TFEC: variants seen among roughly 807,000 people sequenced by gnomAD.
TFEC encodes the protein class E basic helix-loop-helix protein 34.
Under a neutral mutation model 41.6 loss-of-function variants are expected in TFEC, and 31 were observed. The observed-to-expected ratio is 0.74, with a 90% CI of 0.56 to 1.01. The LOEUF (loss-of-function observed/expected upper bound fraction) is 1.01, where lower values mean the gene tolerates loss of function less well. Among genes scored for constraint, TFEC ranks in the 50% least tolerant of loss-of-function variants. The pLI is 0.00. For missense variants in TFEC, 402 were observed against 404.1 expected (o/e 0.99, Z 0.04); for synonymous variants, 143 against 140.6 (o/e 1.02, Z -0.12).
chr7:116,116,824 G>A (rs1291304113), intron 1 of TFEC, among the ~76,000 whole-genome samples: 4 of 147,742 alleles, frequency 2.7e-5, no homozygotes, highest in Admixed American at 1.4e-4. Context: ...CTTTATTTTC[G>A]CAGTCACTTA....
chr7:115,961,362 C>A (rs62477219), intron 3 of TFEC, among the ~76,000 whole-genome samples: 7,147 of 151,294 alleles, frequency 0.047, 291 homozygotes, highest in South Asian at 0.11. Flanking sequence ...TTTTAAAATA[C>A]AACAGAGATA....
chr7:116,030,546 C>T, intron 1 of TFEC, 87 bp downstream of exon 1: 1 of 797,776 alleles, frequency 1.3e-6, no homozygotes, highest in Non-Finnish European at 1.5e-6. Context: ...GCAAGCCACA[C>T]ATATCAAAAT....
chr7:115,941,852 T>C, intron 7 of TFEC, 41 bp downstream of exon 7: 3 of 1,603,286 alleles, frequency 1.9e-6, no homozygotes, highest in Non-Finnish European at 1.7e-6. Flanking sequence ...AGCTGAGTCA[T>C]GTGTAAGCTA....
chr7:115,943,182 T>G (rs899523744), intron 6 of TFEC, among the ~76,000 whole-genome samples: 1 of 151,982 alleles, frequency 6.6e-6, no homozygotes, highest in African/African-American at 2.4e-5. Context: ...CTTTGTCATT[T>G]CTTTAAGGCT....
chr7:115,961,496 A>T (rs897347833), intron 3 of TFEC, among the ~76,000 whole-genome samples: 1 of 151,542 alleles, frequency 6.6e-6, no homozygotes, highest in Non-Finnish European at 1.5e-5. Context: ...TCATTCTTTT[A>T]AAAAAAGGGG....
At chr7:116,090,376 T>G (rs1451711489) in intron 3 of TFEC, among the ~76,000 whole-genome samples, 3 of 152,268 alleles carry the variant, frequency 2.0e-5, no homozygotes, top group South Asian at 4.1e-4. Flanking sequence ...TGAGCTCCTA[T>G]GCTCGGCCTG....
intron 3 of TFEC, among the ~76,000 whole-genome samples, chr7:116,084,555 G>C (rs886439084): frequency 6.6e-6 from 1 of 151,808 alleles, no homozygotes; most frequent in Non-Finnish European, 1.5e-5. Context: ...ACATTGGGTA[G>C]ATTTTCATAA....
At chr7:116,007,181 C>T (rs1420525348) in intron 1 of TFEC, among the ~76,000 whole-genome samples, 1 of 151,930 alleles carries the variant, frequency 6.6e-6, no homozygotes, top group African/African-American at 2.4e-5. Context: ...GGAGTTCTGA[C>T]TACTGAGAGA....
At chr7:116,108,562 T>C (rs912582157) in intron 3 of TFEC, among the ~76,000 whole-genome samples, 4 of 152,126 alleles carry the variant, frequency 2.6e-5, no homozygotes, top group Non-Finnish European at 5.9e-5. Context: ...GCTCAAAATA[T>C]AGTATTAAAA....
chr7:116,086,822 T>C (rs1797213622), intron 3 of TFEC, among the ~76,000 whole-genome samples: 1 of 151,968 alleles, frequency 6.6e-6, no homozygotes, highest in Admixed American at 6.6e-5. Flanking sequence ...TTAAATAGAA[T>C]GGAAATTGTA....
chr7:116,131,427 A>G (rs905424127), intron 1 of TFEC, among the ~76,000 whole-genome samples: 1 of 152,188 alleles, frequency 6.6e-6, no homozygotes, highest in African/African-American at 2.4e-5. Flanking sequence ...CATAACATAG[A>G]TCTTTACCTT....
intron 1 of TFEC, among the ~76,000 whole-genome samples, chr7:116,152,319 G>A (rs190132049): frequency 2.6e-5 from 4 of 152,328 alleles, no homozygotes; most frequent in Admixed American, 2.0e-4. Flanking sequence ...AAGAAGAGGG[G>A]ATCTAAACAG....
intron 6 of TFEC, among the ~76,000 whole-genome samples, chr7:115,948,947 AC>A (rs1170242006): frequency 2.6e-5 from 4 of 151,586 alleles, no homozygotes; most frequent in Non-Finnish European, 5.9e-5. Flanking sequence ...TATGTAGAAA[AC>A]CCCATTGTCT....
chr7:116,144,584 A>G (rs1356534811), intron 1 of TFEC, among the ~76,000 whole-genome samples: 2 of 152,146 alleles, frequency 1.3e-5, no homozygotes, highest in African/African-American at 4.8e-5. Flanking sequence ...TCCTGGGTTC[A>G]AACGCTCCTC....
At chr7:116,127,318 C>T (rs572702035) in intron 1 of TFEC, among the ~76,000 whole-genome samples, 3 of 152,108 alleles carry the variant, frequency 2.0e-5, no homozygotes, top group Admixed American at 6.5e-5. Context: ...CTCCTGACCT[C>T]GTAATCCCCT....
chr7:116,143,068 C>T (rs890314238), intron 1 of TFEC, among the ~76,000 whole-genome samples: 3 of 152,236 alleles, frequency 2.0e-5, no homozygotes, highest in South Asian at 2.1e-4. Context: ...GTCAGGCGTG[C>T]GACTTTGAAG....
In TFEC at chr7:115,937,262, A is replaced by G. The variant is rs533164666; in HGVS notation, c.*3289T>C. The G allele has an allele frequency of 6.6e-6, 1 of 151,896 alleles. No individual in the cohort carries two copies. Among genetic ancestry groups the G allele is most frequent in the African/African-American group, 2.4e-5 (1 of 41,526 alleles). The allele number at this position is 151,896 out of a possible 1,614,324, so 9.4% of individuals were successfully genotyped here. A position where few individuals can be genotyped will look rare whatever the true frequency, so the allele number is the denominator to read the frequency against. ...TCTTTAAATGAAAAGGGATAATTGT[A>G]TATTAATTGAATGAATAAATCAATA... On this transcript the variant is annotated 3_prime_UTR_variant, in exon 8 of 8. Coordinates refer to ENST00000265440, the MANE Select transcript of TFEC (RefSeq NM_012252.4).
intron 3 of TFEC, among the ~76,000 whole-genome samples, chr7:115,970,756 C>A (rs1024944478): frequency 7.2e-5 from 11 of 151,846 alleles, no homozygotes; most frequent in Non-Finnish European, 1.3e-4. Flanking sequence ...GGCAACTTCT[C>A]CCCTCTCTCT....
chr7:116,143,932 G>A (rs1030792125), intron 1 of TFEC, among the ~76,000 whole-genome samples: 1 of 152,134 alleles, frequency 6.6e-6, no homozygotes, highest in African/African-American at 2.4e-5. Context: ...AGAAAAGGTA[G>A]AGCCTCGCCG....
Sources: allele counts gnomAD v4.1 joint callset (sites outside exome capture counted in the v4.1 genomes callset), GRCh38; gene constraint gnomAD v4.1.1; transcripts MANE v1.5; gene names NCBI Gene and HGNC (gene_info 2026-07-23, HGNC 2026-07-21).